Variants in RAB3C observed in about 807,000 individuals in gnomAD.
RAB3C encodes ras-related protein Rab-3C.
Under a neutral mutation model 26.4 loss-of-function variants are expected in RAB3C, and 17 were observed. That is an observed-to-expected ratio of 0.64 (90% confidence interval 0.44 to 0.97). RAB3C has a LOEUF of 0.97. Ranked by LOEUF, RAB3C falls within the 50% of genes least tolerant of loss-of-function variation. The pLI is 0.00. For synonymous variants in RAB3C, 91 were observed against 95.9 expected (o/e 0.95, Z 0.30); for missense variants, 242 against 281.9 (o/e 0.86, Z 1.01).
At chr5:58,682,854 T>A (rs1748376127) in intron 2 of RAB3C, among the ~76,000 whole-genome samples, 1 of 152,192 alleles carries the variant, frequency 6.6e-6, no homozygotes, top group Non-Finnish European at 1.5e-5. Flanking sequence ...TTTCTCAAGA[T>A]TTGGGGATTT....
intron 1 of RAB3C, among the ~76,000 whole-genome samples, chr5:58,587,108 T>C (rs1376112770): frequency 1.3e-5 from 2 of 152,156 alleles, no homozygotes; most frequent in African/African-American, 4.8e-5. Flanking sequence ...ACTTTTCTTC[T>C]GTAAAAGGAA....
intron 1 of RAB3C, among the ~76,000 whole-genome samples, chr5:58,604,256 T>C (rs1450124426): frequency 1.3e-5 from 2 of 152,136 alleles, no homozygotes; most frequent in Non-Finnish European, 2.9e-5. Context: ...GCTTTGGTGG[T>C]TTAATGCTCT....
intron 3 of RAB3C, chr5:58,741,980 G>GTGCTCC (rs1278639732): frequency 6.6e-6 from 1 of 150,792 alleles, no homozygotes; most frequent in Non-Finnish European, 1.5e-5. Context: ...CTCCATCCTG[G>GTGCTCC]ACAACACAGC....
At chr5:58,707,871 T>G (rs1748977178) in intron 2 of RAB3C, among the ~76,000 whole-genome samples, 1 of 152,194 alleles carries the variant, frequency 6.6e-6, no homozygotes, top group Non-Finnish European at 1.5e-5. Flanking sequence ...AGCTCTGTGC[T>G]TTACTAGGAT....
intron 3 of RAB3C, among the ~76,000 whole-genome samples, chr5:58,777,591 C>A (rs991654325): frequency 8.0e-5 from 12 of 149,898 alleles, no homozygotes; most frequent in Non-Finnish European, 1.6e-4. Context: ...AAGGAAAGAC[C>A]ATGTTTTTTT....
At chr5:58,737,589 A>C (rs897090223) in intron 3 of RAB3C, among the ~76,000 whole-genome samples, 2 of 151,726 alleles carry the variant, frequency 1.3e-5, no homozygotes, top group African/African-American at 2.4e-5. Context: ...GTATTCCATA[A>C]ATATTTCTTG....
chr5:58,750,799 T>TTTCC (rs1741504815), intron 3 of RAB3C, among the ~76,000 whole-genome samples: 2 of 152,100 alleles, frequency 1.3e-5, no homozygotes, highest in Non-Finnish European at 1.5e-5. Context: ...ATGTATTTTC[T>TTTCC]TTCCTTCCTT....
At chr5:58,706,524 G>T (rs900929572) in intron 2 of RAB3C, among the ~76,000 whole-genome samples, 5 of 152,066 alleles carry the variant, frequency 3.3e-5, no homozygotes, top group African/African-American at 1.2e-4. Flanking sequence ...TTTCATCTAG[G>T]ATTAAAATAA....
At chr5:58,740,486 C>G (rs2591920) in intron 3 of RAB3C, among the ~76,000 whole-genome samples, 2 of 151,872 alleles carry the variant, frequency 1.3e-5, no homozygotes, top group Non-Finnish European at 2.9e-5. Context: ...ATTTATATAA[C>G]TGTTATGTCA....
chr5:58,713,266 T>TCCTCC (rs1749099839), intron 2 of RAB3C, among the ~76,000 whole-genome samples: 1 of 152,166 alleles, frequency 6.6e-6, no homozygotes, highest in South Asian at 2.1e-4. Flanking sequence ...CTAGTTGTAG[T>TCCTCC]CCTCCATGGC....
chr5:58,801,302 C>T (rs1179208487), intron 3 of RAB3C, among the ~76,000 whole-genome samples: 1 of 152,094 alleles, frequency 6.6e-6, no homozygotes, highest in African/African-American at 2.4e-5. Context: ...AAACGATGAA[C>T]GATGGGATGA....
intron 2 of RAB3C, among the ~76,000 whole-genome samples, chr5:58,621,309 C>T (rs1269509293): frequency 6.6e-6 from 1 of 152,050 alleles, no homozygotes; most frequent in African/African-American, 2.4e-5. Context: ...TTTAAACTGC[C>T]CCCAAATAGA....
chr5:58,691,217 C>T (rs1748563970), intron 2 of RAB3C, among the ~76,000 whole-genome samples: 1 of 152,078 alleles, frequency 6.6e-6, no homozygotes, highest in African/African-American at 2.4e-5. Context: ...TACAGATTCC[C>T]ACACCCACTC....
chr5:58,763,862 A>C (rs568264730), intron 3 of RAB3C, among the ~76,000 whole-genome samples: 1 of 152,336 alleles, frequency 6.6e-6, no homozygotes, highest in South Asian at 2.1e-4. Flanking sequence ...AATAGGATGC[A>C]CTGGACTATT....
intron 1 of RAB3C, among the ~76,000 whole-genome samples, chr5:58,585,531 T>G (rs1579799132): frequency 6.6e-6 from 1 of 152,168 alleles, no homozygotes; most frequent in Non-Finnish European, 1.5e-5. Context: ...ATTTCTTCTC[T>G]GCTTTTAAAA....
chr5:58,828,730 G>GT (rs1034467861), intron 4 of RAB3C, among the ~76,000 whole-genome samples: 2 of 152,132 alleles, frequency 1.3e-5, no homozygotes, highest in African/African-American at 4.8e-5. Flanking sequence ...CTGCATCAGA[G>GT]TTTTTGAAGT....
At chr5:58,613,093 C>T (rs1746748358) in intron 1 of RAB3C, among the ~76,000 whole-genome samples, 1 of 152,094 alleles carries the variant, frequency 6.6e-6, no homozygotes, top group Non-Finnish European at 1.5e-5. Context: ...ATGTGAACAA[C>T]TCTGAAGGAG....
chr5:58,849,202 G>T (rs1252440253), intron 4 of RAB3C, among the ~76,000 whole-genome samples: 1 of 152,166 alleles, frequency 6.6e-6, no homozygotes, highest in Non-Finnish European at 1.5e-5. Context: ...AGTACAAGAA[G>T]TGTTAGCAAA....
intron 3 of RAB3C, among the ~76,000 whole-genome samples, chr5:58,819,553 G>T (rs1018122938): frequency 6.6e-6 from 1 of 152,090 alleles, no homozygotes; most frequent in Non-Finnish European, 1.5e-5. Flanking sequence ...AGCATTTTAC[G>T]AATTCTAAGA....
Sources: allele counts gnomAD v4.1 joint callset (sites outside exome capture counted in the v4.1 genomes callset), GRCh38; gene constraint gnomAD v4.1.1; transcripts MANE v1.5; gene names NCBI Gene and HGNC (gene_info 2026-07-23, HGNC 2026-07-21).